EFNB1: variants seen among roughly 807,000 people sequenced by gnomAD.
EFNB1 encodes the protein ephrin B1.
In EFNB1, 1 loss-of-function variant was observed where a neutral mutation model predicts 18.1. The ratio of observed to expected loss-of-function variants is 0.06; its 90% CI spans 0.02 to 0.26. The LOEUF is 0.26. Ranked by LOEUF, EFNB1 falls within the 10% of genes least tolerant of loss-of-function variation. The pLI is 1.00. For synonymous variants in EFNB1, 131 were observed against 127.5 expected, an observed-to-expected ratio of 1.03 and a Z score of -0.19; for missense variants, 221 against 301.8, an observed-to-expected ratio of 0.73 and a Z score of 1.98.
chrX:68,839,577 G>T, intron 2 of EFNB1, 87 bp from the exon 3 acceptor site: 1 of 911,431 alleles, frequency 1.1e-6, no homozygotes, highest in East Asian at 3.3e-5. Flanking sequence ...CTCCCTGTTG[G>T]CTGAAGCAGA....
At chrX:68,838,387 C>T (rs891557411) in intron 1 of EFNB1, among the ~76,000 whole-genome samples, 11 of 111,802 alleles carry the variant, frequency 9.8e-5, no homozygotes, top group African/African-American at 3.6e-4. Flanking sequence ...TCCACCCTGC[C>T]GAGCAGTCAG....
In EFNB1 at chrX:68,838,597, ATCT is replaced by A; in HGVS notation, c.129-14_129-12del. The A allele has an allele frequency of 8.3e-7, 1 of 1,211,524 alleles. No homozygotes were observed. Among genetic ancestry groups the A allele is most frequent in the Non-Finnish European group, 1.1e-6 (1 of 895,375 alleles). On this transcript the variant is annotated splice_polypyrimidine_tract_variant and intron_variant, in intron 1 of 4. Coordinates refer to ENST00000204961, the MANE Select transcript of EFNB1 (RefSeq NM_004429.5). ...GCCACCCCCAACCCTGAGGCTGACC[ATCT>A]TCTTCCTTCTGGGCAGGTTCCTGAG...
At chrX:68,834,005 T>G (rs1435506191) in intron 1 of EFNB1, among the ~76,000 whole-genome samples, 1 of 112,367 alleles carries the variant, frequency 8.9e-6, no homozygotes, top group Non-Finnish European at 1.9e-5. Flanking sequence ...TCATTCCTGC[T>G]GCCTTGAAAT....
chrX:68,836,242 C>T (rs762529746), intron 1 of EFNB1, among the ~76,000 whole-genome samples: 9 of 111,733 alleles, frequency 8.1e-5, no homozygotes, highest in Non-Finnish European at 1.7e-4. Flanking sequence ...TGGATGGAAC[C>T]GTTGTGAGCA....
At position 68,829,717 on chromosome X, in the gene EFNB1, G is replaced by T. The variant is rs766147279; in HGVS notation, c.-60G>T. 5.1e-6 allele frequency: 6 copies of T among 1,165,249 alleles called. No individual in the cohort carries two copies. The Admixed American group carries it at 1.3e-4, about 25-fold the overall frequency. ...CGAGCGCAGCGCGGCAGAGGAAGGC[G>T]AGGCGAGCTTTGGTGAGGAGGCGCC... On this transcript the variant is annotated 5_prime_UTR_variant, in exon 1 of 5. Coordinates refer to ENST00000204961, the MANE Select transcript of EFNB1 (RefSeq NM_004429.5).
chrX:68,838,490 G>A, intron 1 of EFNB1, 127 bp from the exon 2 acceptor site: 6 of 778,889 alleles, frequency 7.7e-6, no homozygotes, highest in South Asian at 4.7e-5. Context: ...TGGAGGAAGG[G>A]CAGAAGGCTT....
Position 68,838,783 on chromosome X carries a change from G to A in EFNB1, c.295G>A (p.Val99Ile), listed in dbSNP as rs758345370. The stretch of plus-strand genomic sequence containing the variant: ...CACAGTTCTCGACCCCAACGTGTTG[G>A]TCACCTGCAATAGGCCAGAGCAGGA... ...CSTVLDPNVLVTCNRPEQEIR... is the reference protein window; with the variant it reads ...CSTVLDPNVLITCNRPEQEIR... The change falls in exon 2 of 5, where the codon GTC (valine) becomes ATC (isoleucine). Residue 99 changes from valine to isoleucine, a missense_variant. Transcript: ENST00000204961. 1 of 1,209,774 alleles carries A rather than the reference G, an allele frequency of 8.3e-7. No individual in the cohort carries two copies. The highest frequency in any genetic ancestry group is 1.1e-6 in the Non-Finnish European group (1 of 894,467).
Position 68,829,082 on chromosome X carries a change from C to T in EFNB1, c.-695C>T, listed in dbSNP as rs189750013. 4.8e-3 allele frequency: 551 copies of T among 115,036 alleles called. No individual in the cohort carries two copies. Among genetic ancestry groups the T allele is most frequent in the Non-Finnish European group, 7.0e-3 (387 of 54,953 alleles). 9.5% of individuals were successfully genotyped at this position (115,036 alleles called of 1,213,427 possible). On this transcript the variant is annotated 5_prime_UTR_variant, in exon 1 of 5. Coordinates refer to ENST00000204961, the MANE Select transcript of EFNB1 (RefSeq NM_004429.5). Reference sequence around the variant, plus strand: ...CGCACTGGCCGCAGACCCTCGGGCTCGATCGCCCGGGAGCCAGGACTCGGC... The same window carrying T: ...CGCACTGGCCGCAGACCCTCGGGCTTGATCGCCCGGGAGCCAGGACTCGGC...
Position 68,838,813 on chromosome X carries a change from C to T in EFNB1, c.325C>T (p.Arg109Cys). The change falls in exon 2 of 5, where the codon CGC (arginine) becomes TGC (cysteine). Residue 109 changes from arginine (R) to cysteine (C), a missense_variant. By Grantham distance (180) the Arg-to-Cys change is radical. Transcript: ENST00000204961. ...CTGCAATAGGCCAGAGCAGGAAATA[C>T]GCTTTACCATCAAGTTCCAGGAGTT... ...VTCNRPEQEI[R>C]FTIKFQEFSP... 1 of 1,206,277 alleles carries T rather than the reference C, an allele frequency of 8.3e-7. No individual in the cohort carries two copies. Among genetic ancestry groups the T allele is most frequent in the Non-Finnish European group, 1.1e-6 (1 of 892,612 alleles).
rs1245010559 is a variant in EFNB1, at chrX:68,838,765, C to G, written c.277C>G (p.Leu93Val). 1 of 1,209,532 alleles carries G rather than the reference C, an allele frequency of 8.3e-7. No individual in the cohort carries two copies. Among genetic ancestry groups the G allele is most frequent in the Non-Finnish European group, 1.1e-6 (1 of 894,900 alleles). ...GCAGGCAGCTGCCTGTAGCACAGTT[C>G]TCGACCCCAACGTGTTGGTCACCTG... Reference protein sequence around the residue: ...PEQAAACSTVLDPNVLVTCNR... With the variant: ...PEQAAACSTVVDPNVLVTCNR... The change falls in exon 2 of 5, where the codon CTC becomes GTC. Residue 93 changes from leucine (L) to valine (V), a missense_variant. Coordinates refer to ENST00000204961, the MANE Select transcript of EFNB1 (RefSeq NM_004429.5).
chrX:68,830,635 G>A (rs1372175315), intron 1 of EFNB1, among the ~76,000 whole-genome samples: 6 of 112,216 alleles, frequency 5.3e-5, no homozygotes, highest in Non-Finnish European at 1.1e-4. Context: ...CAATGGAGCC[G>A]GTAACAGAGC....
At chrX:68,833,488 C>T (rs1446209167) in intron 1 of EFNB1, among the ~76,000 whole-genome samples, 2 of 112,006 alleles carry the variant, frequency 1.8e-5, no homozygotes, top group East Asian at 2.8e-4. Context: ...AATGGGGATG[C>T]GTGGGCCCTG....
At chrX:68,838,172 TGCGCGCGCGCGC>T (rs773925031) in intron 1 of EFNB1, among the ~76,000 whole-genome samples, 47 of 31,754 alleles carry the variant, frequency 1.5e-3, no homozygotes, top group Non-Finnish European at 1.9e-3. Flanking sequence ...TGTGTGTGTG[TGCGCGCGCGCGC>T]GCGCACGTGT....
chrX:68,834,370 C>A (rs764993938), intron 1 of EFNB1, among the ~76,000 whole-genome samples: 8 of 112,544 alleles, frequency 7.1e-5, no homozygotes, highest in Admixed American at 9.3e-5. Flanking sequence ...ATAATGGACA[C>A]GAGCCTTAGC....
intron 1 of EFNB1, among the ~76,000 whole-genome samples, chrX:68,836,089 C>T (rs1046758332): frequency 1.8e-5 from 2 of 111,772 alleles, no homozygotes; most frequent in African/African-American, 6.5e-5. Context: ...CTCTTAGACC[C>T]ATCGGGTTAT....
Position 68,840,709 on chromosome X carries a change from C to T in EFNB1, c.*55C>T. ...GACAGTCGGCCTGGACCGGACCTCT[C>T]CTTTCGCCCCCACACCCCCTCCCCT... On this transcript the variant is annotated 3_prime_UTR_variant, in exon 5 of 5. Transcript: ENST00000204961. 3 of 1,129,631 alleles carry T rather than the reference C, an allele frequency of 2.7e-6. No individual in the cohort carries two copies. The South Asian group carries it at 5.7e-5, about 21-fold the overall frequency. The allele number at this position is 1,129,631 out of a possible 1,213,427, so 93.1% of individuals were successfully genotyped here.
chrX:68,830,405 A>G (rs967172175), intron 1 of EFNB1, among the ~76,000 whole-genome samples: 3 of 112,278 alleles, frequency 2.7e-5, no homozygotes, highest in Non-Finnish European at 3.8e-5. Context: ...CAACATCCCC[A>G]CTCGGGCTTC....
chrX:68,833,443 C>T (rs1039332914), intron 1 of EFNB1, among the ~76,000 whole-genome samples: 2 of 108,559 alleles, frequency 1.8e-5, no homozygotes, highest in Non-Finnish European at 3.9e-5. Flanking sequence ...TCCCTTTCTT[C>T]CCTTGGGCTC....
intron 1 of EFNB1, among the ~76,000 whole-genome samples, chrX:68,832,812 G>A (rs1222843021): frequency 5.5e-5 from 1 of 18,145 alleles, no homozygotes; most frequent in Non-Finnish European, 1.1e-4. Flanking sequence ...CTGTGTGTGC[G>A]TGTGTGTGTG....
Sources: allele counts gnomAD v4.1 joint callset (sites outside exome capture counted in the v4.1 genomes callset), GRCh38; gene constraint gnomAD v4.1.1; transcripts MANE v1.5; gene names NCBI Gene and HGNC (gene_info 2026-07-23, HGNC 2026-07-21).